PLXDC2: variants seen among roughly 807,000 people sequenced by gnomAD.
PLXDC2 encodes the protein plexin domain containing 2, also known as plexin domain-containing protein 2.
Under a neutral mutation model 68.9 loss-of-function variants are expected in PLXDC2, and 40 were observed. The ratio of observed to expected loss-of-function variants is 0.58; its 90% CI spans 0.45 to 0.76. The LOEUF (loss-of-function observed/expected upper bound fraction) is 0.76, where lower values mean the gene tolerates loss of function less well. Ranked by LOEUF, PLXDC2 falls within the 30% of genes least tolerant of loss-of-function variation. PLXDC2 has a pLI of 0.00. For synonymous variants in PLXDC2, 243 were observed against 234.2 expected, an observed-to-expected ratio of 1.04 and a Z score of -0.34; for missense variants, 644 against 661.9, an observed-to-expected ratio of 0.97 and a Z score of 0.30.
intron 3 of PLXDC2, among the ~76,000 whole-genome samples, chr10:20,048,210 A>T (rs1478219194): frequency 6.6e-6 from 1 of 152,134 alleles, no homozygotes; most frequent in African/African-American, 2.4e-5. Flanking sequence ...CCTTGTTTAT[A>T]TGTAGATGTT....
At chr10:20,203,251 C>G (rs147518492) in intron 9 of PLXDC2, among the ~76,000 whole-genome samples, 139 of 151,684 alleles carry the variant, frequency 9.2e-4, no homozygotes, top group African/African-American at 3.3e-3. Flanking sequence ...AATGGAAATA[C>G]CTTTTTTGCC....
chr10:20,111,719 T>G (rs2131748617), intron 4 of PLXDC2, among the ~76,000 whole-genome samples: 1 of 152,332 alleles, frequency 6.6e-6, no homozygotes, highest in Admixed American at 6.5e-5. Flanking sequence ...AGTCTCACGG[T>G]TACTCCTTCT....
chr10:20,052,785 C>T (rs556638575), intron 3 of PLXDC2, among the ~76,000 whole-genome samples: 1 of 150,906 alleles, frequency 6.6e-6, no homozygotes, highest in South Asian at 2.1e-4. Context: ...TAGGGATAGT[C>T]CCAGGGCCAG....
intron 3 of PLXDC2, among the ~76,000 whole-genome samples, chr10:20,058,891 G>GAAAC (rs1437922737): frequency 6.6e-6 from 1 of 152,178 alleles, no homozygotes; most frequent in Non-Finnish European, 1.5e-5. Flanking sequence ...ATGTTTTCCA[G>GAAAC]AAACAAGTCT....
intron 1 of PLXDC2, among the ~76,000 whole-genome samples, chr10:19,983,975 A>G (rs1275460598): frequency 6.6e-6 from 1 of 152,198 alleles, no homozygotes; most frequent in Non-Finnish European, 1.5e-5. Context: ...GCAGGCCCAA[A>G]CTATAGGGTG....
intron 1 of PLXDC2, among the ~76,000 whole-genome samples, chr10:19,894,091 A>G (rs1050866575): frequency 1.3e-5 from 2 of 152,194 alleles, no homozygotes; most frequent in African/African-American, 4.8e-5. Context: ...GCCTGGACAC[A>G]GCACCACAGG....
chr10:19,821,108 C>T (rs900390648), intron 1 of PLXDC2, among the ~76,000 whole-genome samples: 3 of 152,110 alleles, frequency 2.0e-5, no homozygotes, highest in Non-Finnish European at 4.4e-5. Context: ...AATAAGTAAA[C>T]AAACAAATAA....
chr10:19,978,069 T>C (rs79003217), intron 1 of PLXDC2, among the ~76,000 whole-genome samples: 4,943 of 152,292 alleles, frequency 0.032, 98 homozygotes, highest in Non-Finnish European at 0.048. Context: ...TTCTGGTATA[T>C]CCAACCTGTG....
rs1836196016 is a variant in PLXDC2 at position 20,289,017 on chromosome 10, AT to A, written c.*9200del. On this transcript the variant is annotated 3_prime_UTR_variant, in exon 14 of 14. Transcript: ENST00000377252. ...AGACTGCTGTCATATTTGACTACAT[AT>A]TAAAAACAGTAAATGAGCATTTTGT... is the stretch of plus-strand genomic sequence containing the variant. The A allele has an allele frequency of 6.6e-6, 1 of 152,242 alleles. No homozygotes were observed. Among genetic ancestry groups the A allele is most frequent in the Non-Finnish European group, 1.5e-5 (1 of 68,052 alleles). 9.4% of individuals were successfully genotyped at this position (152,242 alleles called of 1,614,324 possible).
At chr10:20,278,620 A>AT (rs11379252) in intron 13 of PLXDC2, among the ~76,000 whole-genome samples, 116,163 of 151,090 alleles carry the variant, frequency 0.77, 45,054 homozygotes, top group Middle Eastern at 0.83. Context: ...AATTACCTTC[A>AT]TTTTTTTTTA....
chr10:19,838,900 C>G (rs1050156597), intron 1 of PLXDC2, among the ~76,000 whole-genome samples: 1 of 152,218 alleles, frequency 6.6e-6, no homozygotes, highest in South Asian at 2.1e-4. Flanking sequence ...GATTACTGCT[C>G]TGGGGCCAGG....
At chr10:20,186,792 A>C (rs1466068155) in intron 9 of PLXDC2, among the ~76,000 whole-genome samples, 1 of 151,898 alleles carries the variant, frequency 6.6e-6, no homozygotes. Context: ...TATATGTACC[A>C]TGTTTTCTTT....
chr10:19,918,625 A>G (rs1448078964), intron 1 of PLXDC2, among the ~76,000 whole-genome samples: 1 of 152,246 alleles, frequency 6.6e-6, no homozygotes, highest in Non-Finnish European at 1.5e-5. Flanking sequence ...TCTGGCCTCT[A>G]ACTTTGGATT....
chr10:20,245,296 A>G, intron 12 of PLXDC2, 49 bp from the exon 13 acceptor site: 1 of 1,533,410 alleles, frequency 6.5e-7, no homozygotes, highest in Non-Finnish European at 8.8e-7. Context: ...GAAAATGCAA[A>G]CTTGAGGGTA....
chr10:19,939,305 T>C (rs1290912141), intron 1 of PLXDC2, among the ~76,000 whole-genome samples: 1 of 152,180 alleles, frequency 6.6e-6, no homozygotes, highest in African/African-American at 2.4e-5. Flanking sequence ...GCAGTGATCT[T>C]GGCTACAGAT....
At chr10:20,110,847 T>C (rs939120145) in intron 4 of PLXDC2, among the ~76,000 whole-genome samples, 13 of 152,228 alleles carry the variant, frequency 8.5e-5, no homozygotes, top group African/African-American at 3.1e-4. Flanking sequence ...GGCCTTGCTC[T>C]TTTATTCCCC....
intron 13 of PLXDC2, among the ~76,000 whole-genome samples, chr10:20,247,776 C>A (rs2119340543): frequency 6.6e-6 from 1 of 152,304 alleles, no homozygotes; most frequent in Admixed American, 6.5e-5. Context: ...AATAGGGATT[C>A]TGCCAATATT....
intron 4 of PLXDC2, among the ~76,000 whole-genome samples, chr10:20,112,742 A>G (rs1227092713): frequency 6.6e-6 from 1 of 152,264 alleles, no homozygotes; most frequent in Non-Finnish European, 1.5e-5. Context: ...TTCGAAAGAT[A>G]AGACCACATG....
At chr10:20,212,302 T>C (rs1588520422) in intron 10 of PLXDC2, among the ~76,000 whole-genome samples, 1 of 152,246 alleles carries the variant, frequency 6.6e-6, no homozygotes, top group South Asian at 2.1e-4. Context: ...TGTGCTGTAA[T>C]AAATGAGAAA....
Sources: gnomAD v4.1 joint callset for allele counts (sites outside exome capture counted in the v4.1 genomes callset) on GRCh38, gnomAD v4.1.1 for gene constraint, MANE v1.5 for transcripts, NCBI Gene and HGNC (gene_info 2026-07-23, HGNC 2026-07-21) for gene names.